Variants in SYT1 observed in about 807,000 individuals in gnomAD.
SYT1 encodes the protein synaptotagmin-1.
A neutral mutation model predicts 44.8 loss-of-function variants in SYT1; 8 were observed. The observed-to-expected ratio is 0.18, with a 90% CI of 0.10 to 0.32. SYT1 has a LOEUF of 0.32. Ranked by LOEUF, SYT1 falls within the 10% of genes least tolerant of loss-of-function variation. The probability of loss-of-function intolerance (pLI) is 1.00; values close to 1 mark genes in which losing one functional copy is unlikely to be tolerated. For synonymous variants in SYT1, 154 were observed against 188.8 expected (o/e 0.82, Z 1.51); for missense variants, 286 against 509.3 (o/e 0.56, Z 4.22).
At chr12:79,269,551 G>A (rs1355352990) in intron 4 of SYT1, among the ~76,000 whole-genome samples, 2 of 152,192 alleles carry the variant, frequency 1.3e-5, no homozygotes, top group Non-Finnish European at 2.9e-5. Context: ...ATCTGATGCA[G>A]GAATACGTTT....
At chr12:79,265,590 G>A (rs542056544) in intron 4 of SYT1, among the ~76,000 whole-genome samples, 50 of 152,128 alleles carry the variant, frequency 3.3e-4, no homozygotes, top group Non-Finnish European at 5.6e-4. Context: ...GAAAGAGTAT[G>A]AAAGCTGAAC....
chr12:79,379,704 A>G (rs560853526), intron 9 of SYT1, among the ~76,000 whole-genome samples: 2 of 152,324 alleles, frequency 1.3e-5, no homozygotes, highest in African/African-American at 4.8e-5. Flanking sequence ...TCAATCATCC[A>G]ATAGAAATCT....
rs1876019991 is a variant in SYT1 at position 78,906,927 on chromosome 12, C to T, written c.-217+41818C>T. Among the ~76,000 whole-genome samples, 3 of 152,116 alleles carry T rather than the reference C, an allele frequency of 2.0e-5. 1 individual carries two copies. Among genetic ancestry groups the T allele is most frequent in the Admixed American group, 2.0e-4 (3 of 15,248 alleles). On this transcript the variant is annotated intron_variant, in intron 1 of 10. Coordinates refer to ENST00000261205, the MANE Select transcript of SYT1 (RefSeq NM_005639.3). ...AGAAAATTAAGACTTCATAACCGCA[C>T]ATGAAAAGCTTAATTCTGGCACTTT...
At chr12:79,064,997 A>T (rs1256342335) in intron 3 of SYT1, among the ~76,000 whole-genome samples, 2 of 147,256 alleles carry the variant, frequency 1.4e-5, no homozygotes, top group African/African-American at 5.0e-5. Flanking sequence ...AGAAAGAAAG[A>T]AAAGGAAACC....
At chr12:78,931,204 A>G (rs982156998) in intron 1 of SYT1, among the ~76,000 whole-genome samples, 6 of 37,798 alleles carry the variant, frequency 1.6e-4, no homozygotes, top group African/African-American at 9.1e-4. Context: ...AGAAAGAAAG[A>G]AAGAAAGAAA....
At chr12:79,324,750 C>T (rs61928800) in intron 8 of SYT1, among the ~76,000 whole-genome samples, 21,319 of 151,596 alleles carry the variant, frequency 0.14, 1,966 homozygotes, top group African/African-American at 0.27. Flanking sequence ...AGAAGAGCCA[C>T]GTTGCTGGAA....
At chr12:79,224,936 C>T (rs1417941487) in intron 4 of SYT1, among the ~76,000 whole-genome samples, 1 of 151,736 alleles carries the variant, frequency 6.6e-6, no homozygotes, top group Non-Finnish European at 1.5e-5. Context: ...TACACCACCA[C>T]GCCTGGCTAA....
intron 9 of SYT1, among the ~76,000 whole-genome samples, chr12:79,410,419 G>A (rs1416526625): frequency 6.7e-6 from 1 of 149,006 alleles, no homozygotes; most frequent in African/African-American, 2.5e-5. Flanking sequence ...GTTTCTGGTT[G>A]GGCCAGTAAA....
At chr12:79,180,223 C>T (rs944122414) in intron 3 of SYT1, among the ~76,000 whole-genome samples, 2 of 151,810 alleles carry the variant, frequency 1.3e-5, no homozygotes, top group African/African-American at 4.8e-5. Flanking sequence ...AAAATATGAA[C>T]AATATTAATT....
At chr12:78,943,969 A>T (rs1378638298) in intron 1 of SYT1, among the ~76,000 whole-genome samples, 2 of 152,136 alleles carry the variant, frequency 1.3e-5, no homozygotes, top group African/African-American at 4.8e-5. Flanking sequence ...GCATATTATC[A>T]CTAATTTTGC....
intron 3 of SYT1, among the ~76,000 whole-genome samples, chr12:79,145,884 A>G (rs1869871826): frequency 1.3e-5 from 2 of 150,784 alleles, no homozygotes; most frequent in South Asian, 2.1e-4. Context: ...CAGCCTCCCA[A>G]GTAGCTGGGA....
chr12:79,034,490 A>C (rs1475248941), intron 2 of SYT1, among the ~76,000 whole-genome samples: 1 of 151,790 alleles, frequency 6.6e-6, no homozygotes, highest in African/African-American at 2.4e-5. Flanking sequence ...GGATACAAAC[A>C]GAATTGAATT....
chr12:79,426,178 C>T (rs1467002711), intron 9 of SYT1, among the ~76,000 whole-genome samples: 1 of 152,010 alleles, frequency 6.6e-6, no homozygotes, highest in African/African-American at 2.4e-5. Flanking sequence ...CTGACTCTGC[C>T]CAACAATTCC....
intron 9 of SYT1, among the ~76,000 whole-genome samples, chr12:79,410,506 CAAAAAAAAAA>C (rs5799432): frequency 1.3e-5 from 1 of 75,916 alleles, no homozygotes; most frequent in African/African-American, 5.7e-5. Flanking sequence ...TGTTCAAAGT[CAAAAAAAAAA>C]AAAAAAAAAA....
intron 1 of SYT1, among the ~76,000 whole-genome samples, chr12:78,925,567 T>C (rs533898782): frequency 1.3e-5 from 2 of 152,046 alleles, no homozygotes; most frequent in African/African-American, 4.8e-5. Context: ...TGTGAAACAT[T>C]AAAAATTCCC....
rs775240220 is a variant in SYT1, at chr12:79,288,189, TA to T, written c.351+2219del. Among the ~76,000 whole-genome samples the T allele has an allele frequency of 4.6e-5, 7 of 152,074 alleles. 1 individual carries two copies. Among genetic ancestry groups the T allele is most frequent in the Admixed American group, 3.3e-4 (5 of 15,260 alleles). ...GAAGAGGAAGGCTAAAAAAGCAAAA[TA>T]GAATGTGCAGATTTTAAGAGGATGT... is the stretch of plus-strand genomic sequence containing the variant. On this transcript the variant is annotated intron_variant, in intron 5 of 10. Coordinates refer to ENST00000261205, the MANE Select transcript of SYT1 (RefSeq NM_005639.3).
At chr12:79,104,420 C>T (rs1475882736) in intron 3 of SYT1, among the ~76,000 whole-genome samples, 2 of 151,718 alleles carry the variant, frequency 1.3e-5, no homozygotes, top group African/African-American at 4.8e-5. Context: ...GTTCCCTAAT[C>T]GCTACAAAAT....
chr12:78,998,538 T>G (rs1223908120), intron 2 of SYT1, among the ~76,000 whole-genome samples: 1 of 152,148 alleles, frequency 6.6e-6, no homozygotes, highest in Non-Finnish European at 1.5e-5. Context: ...GAGTAAGATT[T>G]GCTGAAAGGA....
chr12:79,097,597 C>T (rs1450146148), intron 3 of SYT1, among the ~76,000 whole-genome samples: 1 of 151,830 alleles, frequency 6.6e-6, no homozygotes, highest in East Asian at 1.9e-4. Flanking sequence ...CTTTGAAAGT[C>T]CCTCTAGAAA....
Sources: gnomAD v4.1 joint callset for allele counts (sites outside exome capture counted in the v4.1 genomes callset) on GRCh38, gnomAD v4.1.1 for gene constraint, MANE v1.5 for transcripts, NCBI Gene and HGNC (gene_info 2026-07-23, HGNC 2026-07-21) for gene names.